NAALADL2: variants seen among roughly 807,000 people sequenced by gnomAD.
NAALADL2 encodes the protein inactive N-acetylated-alpha-linked acidic dipeptidase-like protein 2.
NAALADL2 carries 76 observed loss-of-function variants against 87.2 expected under a neutral mutation model. That is an observed-to-expected ratio of 0.87 (90% CI 0.72 to 1.05). The LOEUF (loss-of-function observed/expected upper bound fraction) is 1.05, where lower values mean the gene tolerates loss of function less well. Ranked by LOEUF, NAALADL2 falls within the 50% of genes least tolerant of loss-of-function variation. The probability of loss-of-function intolerance (pLI) is 0.00; values close to 1 mark genes in which losing one functional copy is unlikely to be tolerated. For synonymous variants in NAALADL2, 354 were observed against 331.0 expected, an observed-to-expected ratio of 1.07 and a Z score of -0.75; for missense variants, 1,089 against 945.8, an observed-to-expected ratio of 1.15 and a Z score of -1.99.
At chr3:175,598,908 G>A (rs996477780) in intron 10 of NAALADL2, among the ~76,000 whole-genome samples, 4 of 152,132 alleles carry the variant, frequency 2.6e-5, no homozygotes, top group Non-Finnish European at 5.9e-5. Context: ...TGTAGTAAGA[G>A]CGCACTGACA....
chr3:175,772,031 G>A (rs1316471883), intron 13 of NAALADL2, among the ~76,000 whole-genome samples: 2 of 152,098 alleles, frequency 1.3e-5, no homozygotes, highest in Non-Finnish European at 2.9e-5. Context: ...CAAGACATGT[G>A]GGGATTATGG....
At chr3:174,805,416 C>G (rs1023997514) in intron 3 of NAALADL2, among the ~76,000 whole-genome samples, 1 of 151,984 alleles carries the variant, frequency 6.6e-6, no homozygotes, top group African/African-American at 2.4e-5. Flanking sequence ...TGTAGCACAT[C>G]GAAATATGAA....
At chr3:174,883,921 A>G (rs756342346) in intron 1 of NAALADL2, among the ~76,000 whole-genome samples, 2 of 151,878 alleles carry the variant, frequency 1.3e-5, no homozygotes, top group Non-Finnish European at 2.9e-5. Context: ...TTCCATGCAT[A>G]CTCTTCCTTA....
In NAALADL2 at chr3:174,718,101, A is replaced by G. The variant is rs190247530; in HGVS notation, c.-114-19540A>G. Among the ~76,000 whole-genome samples, 540 of 152,252 alleles carry G rather than the reference A, an allele frequency of 3.5e-3. 9 individuals are homozygous for G. Among genetic ancestry groups the G allele is most frequent in the Admixed American group, 0.03 (459 of 15,278 alleles). ...CGCTCCAGCCTGGGTGATAAGACCT[A>G]TATTGTGTCTCAAACAAACAAACAA... On this transcript the variant is annotated intron_variant, in intron 2 of 3. Coordinates refer to the NAALADL2 transcript ENST00000434257.
At chr3:174,780,275 T>A (rs2109143979) in intron 3 of NAALADL2, among the ~76,000 whole-genome samples, 1 of 152,308 alleles carries the variant, frequency 6.6e-6, no homozygotes, top group African/African-American at 2.4e-5. Flanking sequence ...ACTATTTGGC[T>A]CTCTGTTTGT....
At chr3:175,123,456 T>G (rs561846550) in intron 2 of NAALADL2, among the ~76,000 whole-genome samples, 27 of 152,062 alleles carry the variant, frequency 1.8e-4, no homozygotes, top group Non-Finnish European at 3.1e-4. Flanking sequence ...CTAATAAAAA[T>G]TTGACATTGT....
chr3:175,673,269 T>G (rs1734257783), intron 11 of NAALADL2, among the ~76,000 whole-genome samples: 1 of 152,182 alleles, frequency 6.6e-6, no homozygotes, highest in Non-Finnish European at 1.5e-5. Context: ...CAAAAACATC[T>G]GATTTTCAAT....
intron 1 of NAALADL2, among the ~76,000 whole-genome samples, chr3:174,533,530 G>A (rs966618460): frequency 1.3e-5 from 2 of 151,702 alleles, no homozygotes; most frequent in African/African-American, 2.4e-5. Context: ...AAAAATGCTG[G>A]TGAATATTTC....
At chr3:175,143,994 A>G (rs7617886) in intron 2 of NAALADL2, among the ~76,000 whole-genome samples, 44,371 of 151,612 alleles carry the variant, frequency 0.29, 6,580 homozygotes, top group Middle Eastern at 0.38. Context: ...AAGTTATTTT[A>G]AATTTCCATT....
intron 10 of NAALADL2, among the ~76,000 whole-genome samples, chr3:175,591,780 GTGTGTATATATATATATATATATATATA>G (rs1582536624): frequency 4.6e-5 from 1 of 21,692 alleles, no homozygotes; most frequent in East Asian, 2.7e-3. Flanking sequence ...GTGTGTGTGT[GTGTGTATATATATATATATATATATATA>G]TATATATATA....
chr3:175,630,567 T>C (rs920911966), intron 11 of NAALADL2, among the ~76,000 whole-genome samples: 4 of 151,762 alleles, frequency 2.6e-5, no homozygotes, highest in African/African-American at 9.7e-5. Context: ...ATATGGATAA[T>C]ACAGATATAA....
At chr3:174,828,171 C>CAACAA (rs1161028415) in intron 3 of NAALADL2, among the ~76,000 whole-genome samples, 1 of 150,964 alleles carries the variant, frequency 6.6e-6, no homozygotes, top group African/African-American at 2.5e-5. Context: ...CAACCACACA[C>CAACAA]AACACAACAC....
chr3:175,084,770 A>G (rs1398776454), intron 1 of NAALADL2, among the ~76,000 whole-genome samples: 1 of 152,226 alleles, frequency 6.6e-6, no homozygotes. Context: ...AATAAGGTAT[A>G]ATTCTTGGAG....
chr3:174,835,889 G>T (rs1723275827), intron 3 of NAALADL2, among the ~76,000 whole-genome samples: 1 of 152,174 alleles, frequency 6.6e-6, no homozygotes, highest in South Asian at 2.1e-4. Context: ...TGGAACTCTT[G>T]TGTTCTAATG....
At chr3:175,594,918 A>G (rs909241403) in intron 10 of NAALADL2, among the ~76,000 whole-genome samples, 1 of 152,022 alleles carries the variant, frequency 6.6e-6, no homozygotes, top group Non-Finnish European at 1.5e-5. Context: ...TGGATGCATA[A>G]TATGTGAATA....
At chr3:174,470,231 G>T (rs1716813870) in intron 1 of NAALADL2, among the ~76,000 whole-genome samples, 2 of 152,076 alleles carry the variant, frequency 1.3e-5, no homozygotes, top group Admixed American at 6.5e-5. Context: ...GGTTTGATTT[G>T]CATCTCTTTG....
chr3:175,097,976 G>T (rs1414475024), intron 2 of NAALADL2, among the ~76,000 whole-genome samples: 1 of 152,116 alleles, frequency 6.6e-6, no homozygotes, highest in Non-Finnish European at 1.5e-5. Context: ...ACATTGATTT[G>T]TTACAGCCAA....
At chr3:175,501,545 G>A (rs965320811) in intron 9 of NAALADL2, among the ~76,000 whole-genome samples, 3 of 151,810 alleles carry the variant, frequency 2.0e-5, no homozygotes, top group Non-Finnish European at 4.4e-5. Context: ...CTGAGAGACA[G>A]GGAAGATTTC....
intron 2 of NAALADL2, among the ~76,000 whole-genome samples, chr3:175,155,583 AT>A (rs1172566957): frequency 2.3e-4 from 35 of 151,980 alleles, no homozygotes; most frequent in Non-Finnish European, 1.5e-5. Context: ...TTTTTTTCTT[AT>A]TAATGATCTT....
Sources: allele counts gnomAD v4.1 joint callset (sites outside exome capture counted in the v4.1 genomes callset), GRCh38; gene constraint gnomAD v4.1.1; transcripts MANE v1.5; gene names NCBI Gene and HGNC (gene_info 2026-07-23, HGNC 2026-07-21).